The following FZR1 variants were observed in gnomAD, a reference collection of about 807,000 sequenced individuals.
FZR1 encodes the protein fizzy and cell division cycle 20 related 1.
A neutral mutation model predicts 63.6 loss-of-function variants in FZR1; 11 were observed. The observed-to-expected ratio is 0.17, with a 90% CI of 0.11 to 0.29. FZR1 has a LOEUF of 0.29. FZR1 is among the 10% of genes least tolerant of loss of function. FZR1 has a pLI of 1.00. For synonymous variants in FZR1, 328 were observed against 297.9 expected, an observed-to-expected ratio of 1.10 and a Z score of -1.04; for missense variants, 440 against 687.5, an observed-to-expected ratio of 0.64 and a Z score of 4.03.
chr19:3,532,051 T>C lies in FZR1; in HGVS notation c.964T>C (p.Ser322Pro). ...GCAGGAGGTGTGCGGGCTCAAGTGG[T>C]CCACAGACCACCAGCTCCTCGCCTC... is the stretch of plus-strand genomic sequence containing the variant. ...HRQEVCGLKW[S>P]TDHQLLASGG... The change falls in exon 10 of 14, where the codon TCC becomes CCC. Residue 322 changes from serine (S) to proline (P), a missense_variant. Transcript: ENST00000441788. 2.0e-6 allele frequency: 3 copies of C among 1,533,334 alleles called. No homozygotes were observed. Among genetic ancestry groups the C allele is most frequent in the Non-Finnish European group, 2.6e-6 (3 of 1,144,804 alleles). 95.0% of individuals were successfully genotyped at this position (1,533,334 alleles called of 1,614,324 possible).
intron 1 of FZR1, among the ~76,000 whole-genome samples, chr19:3,512,665 G>A (rs1002071102): frequency 6.6e-6 from 1 of 152,168 alleles, no homozygotes; most frequent in Non-Finnish European, 1.5e-5. Context: ...GCTGGGTGGG[G>A]TGGTGCTGGT....
intron 2 of FZR1, among the ~76,000 whole-genome samples, chr19:3,523,624 G>T (rs1167749780): frequency 6.6e-6 from 1 of 152,266 alleles, no homozygotes; most frequent in Non-Finnish European, 1.5e-5. Context: ...TGAAGCCTGG[G>T]TCGGAATAGC....
intron 1 of FZR1, among the ~76,000 whole-genome samples, chr19:3,519,578 G>A (rs2121927522): frequency 6.6e-6 from 1 of 152,262 alleles, no homozygotes. Context: ...CTGGTTTTTG[G>A]TGTGCCAAGG....
rs111805026 is a variant in FZR1 at position 3,530,256 on chromosome 19, G to A, written c.655-536G>A. Among the ~76,000 whole-genome samples, 19 of 137,958 alleles carry A rather than the reference G, an allele frequency of 1.4e-4. 2 individuals are homozygous for A. Among genetic ancestry groups the A allele is most frequent in the African/African-American group, 4.7e-4 (17 of 36,082 alleles). 90.5% of individuals were successfully genotyped at this position (137,958 alleles called of 152,430 possible). A position where few individuals can be genotyped will look rare whatever the true frequency, so the allele number is the denominator to read the frequency against. On this transcript the variant is annotated intron_variant, in intron 7 of 13. Coordinates refer to ENST00000441788, the MANE Select transcript of FZR1 (RefSeq NM_016263.4). Reference sequence around the variant, plus strand: ...CGGATGGGAGAGCAGATGGGTGAGCGGATGGGAGAGCGGATGGGAGAGCGG... The same window carrying A: ...CGGATGGGAGAGCAGATGGGTGAGCAGATGGGAGAGCGGATGGGAGAGCGG...
Position 3,533,157 on chromosome 19 carries a change from C to T in FZR1, c.1243-137C>T, listed in dbSNP as rs1452008140. ...AGACTCAGGTGGCAGAGCCACATCCCAGCATCCCCTGCTCCTCCTGGGCTG... is the reference window on the plus strand; with the variant it reads ...AGACTCAGGTGGCAGAGCCACATCCTAGCATCCCCTGCTCCTCCTGGGCTG... On this transcript the variant is annotated intron_variant, in intron 11 of 13. Transcript: ENST00000441788. This position sits in a 1 kb window ranked among gnomAD's most constrained non-coding sequence, Gnocchi z 4.9. 7.5e-6 allele frequency: 5 copies of T among 664,448 alleles called. No individual in the cohort carries two copies. In the East Asian group the frequency reaches 1.3e-4, roughly 18 times the overall value. 41.2% of individuals were successfully genotyped at this position (664,448 alleles called of 1,614,324 possible).
intron 7 of FZR1, among the ~76,000 whole-genome samples, chr19:3,529,124 GAGCGGA>G (rs1412225011): frequency 0.013 from 1,772 of 134,852 alleles, 76 homozygotes; most frequent in African/African-American, 0.045. Context: ...GCGGATGGGA[GAGCGGA>G]TGGGAGAGCG....
chr19:3,536,575 A>G lies in FZR1; in HGVS notation c.*1739A>G, dbSNP rs1322075644. 6.6e-6 allele frequency: 1 copy of G among 152,216 alleles called. No individual in the cohort carries two copies. The highest frequency in any genetic ancestry group is 1.5e-5 in the Non-Finnish European group (1 of 68,062). 9.4% of individuals were successfully genotyped at this position (152,216 alleles called of 1,614,324 possible). A position where few individuals can be genotyped will look rare whatever the true frequency, so the allele number is the denominator to read the frequency against. On this transcript the variant is annotated 3_prime_UTR_variant, in exon 14 of 14. Coordinates refer to ENST00000441788, the MANE Select transcript of FZR1 (RefSeq NM_016263.4). ...GCTTGGCTGGCTCAGTGCACAACCC[A>G]CAGTGGCCTTCAGAGGCTCCTCCTG...
At position 3,533,434 on chromosome 19, in the gene FZR1, A is replaced by G. The variant is rs1215066096; in HGVS notation, c.1347+36A>G. On this transcript the variant is annotated intron_variant, in intron 12 of 13. Transcript: ENST00000441788. The surrounding 1 kb of genome is among the most constrained non-coding windows in gnomAD (Gnocchi z 4.9). The stretch of plus-strand genomic sequence containing the variant: ...GCCAGGCACTTCAAGGTGCCCCGGG[A>G]TTCTGGACAAACTGCCATGGCCACC... The G allele has an allele frequency of 5.2e-6, 7 of 1,335,896 alleles. No individual in the cohort carries two copies. The highest frequency in any genetic ancestry group is 1.4e-5 in the African/African-American group (1 of 69,378). 82.8% of individuals were successfully genotyped at this position (1,335,896 alleles called of 1,614,324 possible).
chr19:3,534,929 C>A lies in FZR1; in HGVS notation c.*93C>A, dbSNP rs528264324. The A allele has an allele frequency of 2.8e-6, 3 of 1,063,010 alleles. No individual in the cohort carries two copies. The highest frequency in any genetic ancestry group is 1.3e-5 in the South Asian group (1 of 79,790). The allele number at this position is 1,063,010 out of a possible 1,614,324, so 65.8% of individuals were successfully genotyped here. On this transcript the variant is annotated 3_prime_UTR_variant, in exon 14 of 14. Coordinates refer to ENST00000441788, the MANE Select transcript of FZR1 (RefSeq NM_016263.4). The stretch of plus-strand genomic sequence containing the variant: ...TGGACTCTGCCTTCCCAGCGCTTGT[C>A]CCCCGAGGAAGGCGGCTGGGCGGGC...
intron 9 of FZR1, 34 bp from the exon 10 acceptor site, chr19:3,531,877 G>A: frequency 6.4e-7 from 1 of 1,570,820 alleles, no homozygotes; most frequent in African/African-American, 1.3e-5. Context: ...GCGAGGGCAG[G>A]AGAGGCTCAC....
intron 1 of FZR1, among the ~76,000 whole-genome samples, chr19:3,513,969 A>G (rs185066978): frequency 2.0e-5 from 3 of 152,292 alleles, no homozygotes; most frequent in African/African-American, 7.2e-5. Context: ...AAAAAATATG[A>G]AAACAGTGGG....
At position 3,526,392 on chromosome 19, in the gene FZR1, C is replaced by G; in HGVS notation, c.387+6C>G. On this transcript the variant is annotated splice_donor_region_variant and intron_variant, in intron 5 of 13. Coordinates refer to ENST00000441788, the MANE Select transcript of FZR1 (RefSeq NM_016263.4). This position sits in a 1 kb window ranked among gnomAD's most constrained non-coding sequence, Gnocchi z 5.4. Reference sequence around the variant, plus strand: ...AGAAGAAGGGTCTGTTCACGGTAAGCCTGCGGCACCCCCCACCCGGGAGCT... The same window carrying G: ...AGAAGAAGGGTCTGTTCACGGTAAGGCTGCGGCACCCCCCACCCGGGAGCT... The G allele has an allele frequency of 6.4e-7, 1 of 1,564,938 alleles. No homozygotes were observed. Among genetic ancestry groups the G allele is most frequent in the Non-Finnish European group, 8.7e-7 (1 of 1,154,536 alleles).
At chr19:3,524,910 C>G (rs969080572) in intron 2 of FZR1, among the ~76,000 whole-genome samples, 2 of 152,182 alleles carry the variant, frequency 1.3e-5, no homozygotes, top group Admixed American at 1.3e-4. Context: ...ATAATCACAT[C>G]TGCAAGAAAC....
At chr19:3,529,953 T>G (rs2083222424) in intron 7 of FZR1, among the ~76,000 whole-genome samples, 3 of 102,292 alleles carry the variant, frequency 2.9e-5, no homozygotes, top group Non-Finnish European at 6.1e-5. Context: ...GGTGAGCAGA[T>G]GCAAGAGTGG....
Position 3,532,742 on chromosome 19 carries a change from T to A in FZR1, c.1242+92T>A, listed in dbSNP as rs2083260969. ...CACCTGAGAGCAGCCTGTGGGGAGATGGGTCAGAGTCGCTCTGAAGGGAGA... is the reference window on the plus strand; with the variant it reads ...CACCTGAGAGCAGCCTGTGGGGAGAAGGGTCAGAGTCGCTCTGAAGGGAGA... On this transcript the variant is annotated intron_variant, in intron 11 of 13. Coordinates refer to ENST00000441788, the MANE Select transcript of FZR1 (RefSeq NM_016263.4). 3 of 869,810 alleles carry A rather than the reference T, an allele frequency of 3.4e-6. No homozygotes were observed. The African/African-American group carries it at 5.0e-5, about 15-fold the overall frequency. 53.9% of individuals were successfully genotyped at this position (869,810 alleles called of 1,614,324 possible).
intron 7 of FZR1, among the ~76,000 whole-genome samples, chr19:3,529,818 G>GGGT (rs2083217885): frequency 2.2e-5 from 2 of 92,614 alleles, no homozygotes; most frequent in African/African-American, 1.3e-4. Flanking sequence ...ATGGTTGAGT[G>GGGT]GATGGGTGAG....
chr19:3,509,307 C>A (rs983508843), intron 1 of FZR1, among the ~76,000 whole-genome samples: 5 of 152,230 alleles, frequency 3.3e-5, no homozygotes. Context: ...AGCAGCCTGC[C>A]TGGCCGCGCC....
rs372965256 is a variant in FZR1, at chr19:3,525,831, C to T, written c.70-37C>T. On this transcript the variant is annotated intron_variant, in intron 2 of 13. Transcript: ENST00000441788. The surrounding 1 kb of genome is among the most constrained non-coding windows in gnomAD (Gnocchi z 4.2). ...CCTGGGGGCACTCTCGGGGGGCTCTCGGTGCTGAGAGCAAGCCCTCTGCTG... is the reference window on the plus strand; with the variant it reads ...CCTGGGGGCACTCTCGGGGGGCTCTTGGTGCTGAGAGCAAGCCCTCTGCTG... The T allele has an allele frequency of 1.4e-4, 221 of 1,599,970 alleles. No homozygotes were observed. Among genetic ancestry groups the T allele is most frequent in the Admixed American group, 3.2e-4 (19 of 59,716 alleles).
In FZR1 at chr19:3,515,479, G is replaced by C. The variant is rs887237371; in HGVS notation, c.-34-7477G>C. Among the ~76,000 whole-genome samples the C allele has an allele frequency of 4.6e-5, 7 of 152,148 alleles. No homozygotes were observed. The highest frequency in any genetic ancestry group is 1.7e-4 in the African/African-American group (7 of 41,432). On this transcript the variant is annotated intron_variant, in intron 1 of 13. Transcript: ENST00000441788. The surrounding 1 kb of genome is among the most constrained non-coding windows in gnomAD (Gnocchi z 4.6). ...ACAGTTCACGTGATACAGAATTCTA[G>C]AAGTACAGGCCGGGCGCGGTGGCTC... is the stretch of plus-strand genomic sequence containing the variant.
Sources: allele counts gnomAD v4.1 joint callset (sites outside exome capture counted in the v4.1 genomes callset), GRCh38; gene constraint gnomAD v4.1.1; non-coding constraint Gnocchi (gnomAD v3.1); transcripts MANE v1.5; gene names NCBI Gene and HGNC (gene_info 2026-07-23, HGNC 2026-07-21).